Variants in STK10 observed in about 807,000 individuals in gnomAD.
STK10 encodes serine/threonine-protein kinase 10.
Under a neutral mutation model 113.8 loss-of-function variants are expected in STK10, and 78 were observed. The observed-to-expected ratio is 0.69, with a 90% confidence interval of 0.57 to 0.83. STK10 has a LOEUF of 0.83. STK10 is among the 40% of genes least tolerant of loss of function. STK10 has a pLI of 0.00. For missense variants in STK10, 1,109 were observed against 1,280.1 expected (o/e 0.87, Z 2.04); for synonymous variants, 465 against 494.7 (o/e 0.94, Z 0.80).
rs13157516 is a variant in STK10, at chr5:172,164,921, G to A, written c.157-8133C>T. On this transcript the variant is annotated intron_variant, in intron 1 of 18. Transcript: ENST00000176763. ...CCACTGCTGGCTGGCAGTGACTAAC[G>A]CCTCAGCCCACACCCTTGCGAGCAG... Among the ~76,000 whole-genome samples the A allele has an allele frequency of 9.4e-3, 1,435 of 152,316 alleles. 15 individuals are homozygous for A. Among genetic ancestry groups the A allele is most frequent in the Non-Finnish European group, 0.014 (958 of 68,020 alleles).
intron 4 of STK10, among the ~76,000 whole-genome samples, chr5:172,111,108 C>G (rs2113770211): frequency 6.6e-6 from 1 of 152,276 alleles, no homozygotes; most frequent in South Asian, 2.1e-4. Context: ...CAGGTAGAGC[C>G]TGGCTCTGCT....
chr5:172,069,974 G>C (rs986046089), intron 12 of STK10, among the ~76,000 whole-genome samples: 1 of 152,194 alleles, frequency 6.6e-6, no homozygotes, highest in African/African-American at 2.4e-5. Flanking sequence ...TGGGCCGGGC[G>C]TGGTGGCTCA....
chr5:172,055,611 C>A lies in STK10; in HGVS notation c.2503G>T (p.Glu835Ter). The A allele has an allele frequency of 6.5e-7, 1 of 1,538,480 alleles. No homozygotes were observed. Among genetic ancestry groups the A allele is most frequent in the Non-Finnish European group, 8.8e-7 (1 of 1,137,748 alleles). The change falls in exon 16 of 19, where the codon GAG becomes TAG. Residue 835 changes from glutamate to a stop codon, truncating the protein, a stop_gained. Coordinates refer to ENST00000176763, the MANE Select transcript of STK10 (RefSeq NM_005990.4). LOFTEE classifies it high-confidence loss of function. The part of the protein sequence containing the change: ...LHINGGGSAA[E>*]QREKIKQFSQ... ...ACCTGCTTGATCTTCTCACGCTGCT[C>A]AGCTGCGCTGCCCCCGCCGTTGATG...
At position 172,048,180 on chromosome 5, in the gene STK10, C is replaced by T. The variant is rs1190895149; in HGVS notation, c.2767-3158G>A. Among the ~76,000 whole-genome samples the T allele has an allele frequency of 3.3e-5, 5 of 152,220 alleles. No homozygotes were observed. The East Asian group carries it at 7.7e-4, about 24-fold the overall frequency. ...GAAGGTATTTTCTAGATGTGATTAG[C>T]ATTTCAATCAGTAAACTCTGAGTAA... On this transcript the variant is annotated intron_variant, in intron 18 of 18. Coordinates refer to ENST00000176763, the MANE Select transcript of STK10 (RefSeq NM_005990.4).
chr5:172,151,682 G>T (rs1229730950), intron 2 of STK10, among the ~76,000 whole-genome samples: 1 of 152,186 alleles, frequency 6.6e-6, no homozygotes, highest in African/African-American at 2.4e-5. Context: ...CACTGCTGGA[G>T]TTATGTGTTC....
At chr5:172,087,150 GTGT>G (rs2113737175) in intron 10 of STK10, among the ~76,000 whole-genome samples, 1 of 148,238 alleles carries the variant, frequency 6.7e-6, no homozygotes, top group Non-Finnish European at 1.5e-5. Flanking sequence ...GTGTGTGTGT[GTGT>G]GGTGTATGCA....
At chr5:172,053,148 T>C (rs1767668076) in intron 17 of STK10, 106 bp from the exon 18 acceptor site, 1 of 803,776 alleles carries the variant, frequency 1.2e-6, no homozygotes, top group Non-Finnish European at 2.0e-6. Context: ...ATCGTTCATT[T>C]ATTATTTCTT....
At chr5:172,171,571 G>A (rs1226057432) in intron 1 of STK10, among the ~76,000 whole-genome samples, 9 of 152,126 alleles carry the variant, frequency 5.9e-5, no homozygotes, top group Admixed American at 3.3e-4. Flanking sequence ...AAAATTAGCC[G>A]GGCATGGTGG....
chr5:172,066,729 T>G (rs1203477263), intron 12 of STK10, among the ~76,000 whole-genome samples: 1 of 152,112 alleles, frequency 6.6e-6, no homozygotes, highest in Non-Finnish European at 1.5e-5. Flanking sequence ...TAGGTTGCAG[T>G]GAGCCGAGAT....
intron 7 of STK10, among the ~76,000 whole-genome samples, chr5:172,097,539 T>C (rs75713687): frequency 6.6e-6 from 1 of 152,216 alleles, no homozygotes; most frequent in African/African-American, 2.4e-5. Flanking sequence ...CTTCCTTTAC[T>C]CAGCGTCATG....
rs554328537 is a variant in STK10, at chr5:172,093,050, G to A, written c.1554+362C>T. On this transcript the variant is annotated intron_variant, in intron 9 of 18. Coordinates refer to ENST00000176763, the MANE Select transcript of STK10 (RefSeq NM_005990.4). The surrounding 1 kb of genome is among the most constrained non-coding windows in gnomAD (Gnocchi z 4.1). ...CCACCTCCAGAAAGGCCCCGGAGGC[G>A]GGGAAGATGGCTTTGAGCTGTTTCC... The A allele has an allele frequency of 4.2e-5, 8 of 190,310 alleles. No individual in the cohort carries two copies. The highest frequency in any genetic ancestry group is 1.3e-4 in the East Asian group (1 of 7,556). The allele number at this position is 190,310 out of a possible 1,614,324, so 11.8% of individuals were successfully genotyped here.
At chr5:172,178,504 G>T (rs1461668319) in intron 1 of STK10, among the ~76,000 whole-genome samples, 1 of 152,182 alleles carries the variant, frequency 6.6e-6, no homozygotes. Flanking sequence ...AAGCAGCAGG[G>T]GAGGCCGCCT....
In STK10 at chr5:172,043,270, CT is replaced by C. The variant is rs1366754288; in HGVS notation, c.*1611del. On this transcript the variant is annotated 3_prime_UTR_variant, in exon 19 of 19. Coordinates refer to ENST00000176763, the MANE Select transcript of STK10 (RefSeq NM_005990.4). The stretch of plus-strand genomic sequence containing the variant: ...CCACCACGCCTGGCTAATTTTTGTA[CT>C]TTTAGTAGAGACAGGGTTTTGCCAT... 2 of 151,926 alleles carry C rather than the reference CT, an allele frequency of 1.3e-5. No individual in the cohort carries two copies. The highest frequency in any genetic ancestry group is 2.9e-5 in the Non-Finnish European group (2 of 68,002). The allele number at this position is 151,926 out of a possible 1,614,324, so 9.4% of individuals were successfully genotyped here.
At chr5:172,178,572 C>T (rs1274555404) in intron 1 of STK10, among the ~76,000 whole-genome samples, 1 of 152,208 alleles carries the variant, frequency 6.6e-6, no homozygotes, top group Non-Finnish European at 1.5e-5. Context: ...GCTACTCAGG[C>T]AATTCTCACA....
intron 2 of STK10, among the ~76,000 whole-genome samples, chr5:172,155,994 C>CAA (rs769699877): frequency 1.5e-5 from 2 of 130,596 alleles, no homozygotes; most frequent in East Asian, 2.2e-4. Flanking sequence ...GGCTCCATCT[C>CAA]AAAAAAAAAA....
chr5:172,122,611 A>G (rs1222355147), intron 3 of STK10, among the ~76,000 whole-genome samples: 1 of 151,530 alleles, frequency 6.6e-6, no homozygotes, highest in Non-Finnish European at 1.5e-5. Context: ...TGGAGACCCA[A>G]GATGTTTGTT....
Position 172,055,694 on chromosome 5 carries a change from G to A in STK10, c.2420C>T (p.Pro807Leu). The stretch of plus-strand genomic sequence containing the variant: ...CTTGCCCTCACTCCTCTGGATCTTG[G>A]GCAGCCGCGCCTTTTCCTGTTGCTG... ...VRQQQEKARL[P>L]KIQRSEGKTR... Residue 807 changes from proline (P) to leucine (L), a missense_variant, in exon 16 of 19, where the codon CCC becomes CTC. This residue lies in a region of STK10 where 885 missense variants were observed against 991.1 expected (regional missense o/e 0.89). Transcript: ENST00000176763. 1.3e-6 allele frequency: 2 copies of A among 1,584,286 alleles called. No homozygotes were observed. The highest frequency in any genetic ancestry group is 1.1e-5 in the South Asian group (1 of 87,194).
At chr5:172,054,841 C>T (rs1214137766) in intron 16 of STK10, 147 bp from the exon 17 acceptor site, 12 of 1,214,094 alleles carry the variant, frequency 9.9e-6, no homozygotes, top group African/African-American at 6.1e-5. Flanking sequence ...AGGCTGTGCC[C>T]GTGTTAAGTC....
intron 2 of STK10, among the ~76,000 whole-genome samples, chr5:172,132,038 C>A (rs1463818987): frequency 2.0e-5 from 3 of 152,226 alleles, no homozygotes; most frequent in Non-Finnish European, 2.9e-5. Context: ...GGCCCTCAAC[C>A]TTGGACTTCC....
Sources: allele counts gnomAD v4.1 joint callset (sites outside exome capture counted in the v4.1 genomes callset), GRCh38; gene constraint gnomAD v4.1.1; regional missense constraint gnomAD v4.1.1; non-coding constraint Gnocchi (gnomAD v3.1); transcripts MANE v1.5; gene names NCBI Gene and HGNC (gene_info 2026-07-23, HGNC 2026-07-21).